Variants in SECISBP2L observed in about 807,000 individuals in gnomAD.
SECISBP2L encodes SECIS binding protein 2 like.
A neutral mutation model predicts 114.7 loss-of-function variants in SECISBP2L; 43 were observed. The ratio of observed to expected loss-of-function variants is 0.38; its 90% confidence interval spans 0.29 to 0.48. SECISBP2L has a LOEUF of 0.48. SECISBP2L is among the 20% of genes least tolerant of loss of function. SECISBP2L has a pLI of 0.98. For missense variants in SECISBP2L, 1,136 were observed against 1,301.1 expected (o/e 0.87, Z 1.95); for synonymous variants, 451 against 439.7 (o/e 1.03, Z -0.32).
intron 4 of SECISBP2L, among the ~76,000 whole-genome samples, chr15:49,029,635 T>C (rs116516602): frequency 1.1e-3 from 172 of 152,324 alleles, no homozygotes; most frequent in African/African-American, 4.0e-3. Flanking sequence ...CACATGAACA[T>C]GCATATATGC....
At chr15:49,003,473 AT>A (rs1566853257) in intron 14 of SECISBP2L, among the ~76,000 whole-genome samples, 3 of 152,128 alleles carry the variant, frequency 2.0e-5, no homozygotes. Flanking sequence ...TTCCAACACT[AT>A]GTTGAATAGG....
At chr15:49,004,903 T>C (rs1419041175) in intron 14 of SECISBP2L, among the ~76,000 whole-genome samples, 1 of 152,222 alleles carries the variant, frequency 6.6e-6, no homozygotes, top group Non-Finnish European at 1.5e-5. Flanking sequence ...AGAATGTATA[T>C]TCTGTGATTT....
rs1903011192 is a variant in SECISBP2L at position 49,036,520 on chromosome 15, T to C, written c.204-862A>G. Among the ~76,000 whole-genome samples, 4 of 152,380 alleles carry C rather than the reference T, an allele frequency of 2.6e-5. 1 individual carries two copies. Among genetic ancestry groups the C allele is most frequent in the African/African-American group, 9.6e-5 (4 of 41,596 alleles). On this transcript the variant is annotated intron_variant, in intron 2 of 17. Transcript: ENST00000559471. The stretch of plus-strand genomic sequence containing the variant: ...TTATTTGGTAAACCAAGAAAATCAA[T>C]TAAGTTTATCATACTGTATACTTGG...
At chr15:49,024,837 G>A (rs964134953) in intron 7 of SECISBP2L, among the ~76,000 whole-genome samples, 6 of 152,172 alleles carry the variant, frequency 3.9e-5, no homozygotes, top group Admixed American at 2.6e-4. Flanking sequence ...GGATAACAAA[G>A]CATCAGAAGT....
chr15:49,021,920 T>C (rs955190841), intron 7 of SECISBP2L, among the ~76,000 whole-genome samples: 2 of 152,158 alleles, frequency 1.3e-5, no homozygotes, highest in Non-Finnish European at 2.9e-5. Flanking sequence ...GAGGGTATAC[T>C]GAACAAAACA....
Position 48,992,687 on chromosome 15 carries a change from A to AG in SECISBP2L, c.2862dup (p.Ser955LeufsTer35). ...GAGCCAGTCTCTGTACTCTGCTGTG[A>AG]GGCCCATTCCAGGTCATCTGGCTTC... On this transcript the variant is annotated frameshift_variant, in exon 18 of 18. Coordinates refer to ENST00000559471, the MANE Select transcript of SECISBP2L (RefSeq NM_001193489.2). LOFTEE classifies it high-confidence loss of function. 1 of 1,614,180 alleles carries AG rather than the reference A, an allele frequency of 6.2e-7. No homozygotes were observed. Among genetic ancestry groups the AG allele is most frequent in the Non-Finnish European group, 8.5e-7 (1 of 1,180,028 alleles).
chr15:49,017,162 T>G, intron 9 of SECISBP2L, 147 bp from the exon 10 acceptor site: 2 of 753,488 alleles, frequency 2.7e-6, no homozygotes, highest in South Asian at 4.3e-5. Context: ...GATTTGACAG[T>G]GGGACCATTT....
chr15:49,008,939 TA>T lies in SECISBP2L; in HGVS notation c.2027+276del, dbSNP rs1216422351. Among the ~76,000 whole-genome samples, 4 of 152,212 alleles carry T rather than the reference TA, an allele frequency of 2.6e-5. No homozygotes were observed. The East Asian group carries it at 7.7e-4, about 29-fold the overall frequency. On this transcript the variant is annotated intron_variant, in intron 14 of 17. Transcript: ENST00000559471. Reference sequence around the variant, plus strand: ...GGAAAACTGATAGTACAACATTTAATATATAAGATATTAAGAGTCTAGATTT... The same window carrying T: ...GGAAAACTGATAGTACAACATTTAATTATAAGATATTAAGAGTCTAGATTT...
At chr15:49,015,567 T>C (rs1309521219) in intron 11 of SECISBP2L, among the ~76,000 whole-genome samples, 2 of 152,178 alleles carry the variant, frequency 1.3e-5, no homozygotes, top group African/African-American at 2.4e-5. Context: ...GTGCTGTACA[T>C]TGGTACCTTT....
chr15:49,027,319 A>G, intron 7 of SECISBP2L, 46 bp downstream of exon 7: 60 of 1,141,152 alleles, frequency 5.3e-5, no homozygotes, highest in Middle Eastern at 2.0e-4. Flanking sequence ...ATCTAAAATG[A>G]CTCATCTCAT....
intron 17 of SECISBP2L, 132 bp downstream of exon 17, chr15:48,996,235 G>A (rs1346064749): frequency 1.2e-6 from 1 of 804,774 alleles, no homozygotes; most frequent in Admixed American, 2.9e-5. Flanking sequence ...CATGTTTAAT[G>A]CAATGTTTTA....
At chr15:49,010,767 T>C (rs965544535) in intron 13 of SECISBP2L, among the ~76,000 whole-genome samples, 5 of 152,196 alleles carry the variant, frequency 3.3e-5, no homozygotes, top group Non-Finnish European at 2.9e-5. Context: ...CCATCTTGGC[T>C]TACCAAAGTG....
chr15:49,006,268 T>C (rs117344619), intron 14 of SECISBP2L, among the ~76,000 whole-genome samples: 6,729 of 152,252 alleles, frequency 0.044, 240 homozygotes, highest in East Asian at 0.15. Context: ...GTGTTCTCTG[T>C]ATTACCTGCA....
rs191373623 is a variant in SECISBP2L at position 49,042,731 on chromosome 15, G to A, written c.24+3545C>T. On this transcript the variant is annotated intron_variant, in intron 1 of 17. Transcript: ENST00000559471. ...CTTTTTATTCTTTTTTGACCTAAGA[G>A]CTTGAAAATGTCTTTTTGGCCAGGT... 2.2e-4 allele frequency: 33 copies of A among 152,206 alleles called. 1 individual carries two copies. Among genetic ancestry groups the A allele is most frequent in the Admixed American group, 2.0e-3 (31 of 15,284 alleles). 9.4% of individuals were successfully genotyped at this position (152,206 alleles called of 1,614,324 possible).
rs1428753095 is a variant in SECISBP2L, at chr15:49,046,336, G to A, written c.-37C>T. ...CCGCAACGGGCCCGCGCTAGTCGGT[G>A]TAAACAGCGCCTCGGGCCGCTTTCT... is the stretch of plus-strand genomic sequence containing the variant. On this transcript the variant is annotated 5_prime_UTR_variant, in exon 1 of 18. Transcript: ENST00000559471. The A allele has an allele frequency of 6.7e-7, 1 of 1,503,602 alleles. No homozygotes were observed. The highest frequency in any genetic ancestry group is 1.3e-5 in the South Asian group (1 of 79,836). The allele number at this position is 1,503,602 out of a possible 1,614,324, so 93.1% of individuals were successfully genotyped here.
chr15:49,027,566 G>C, intron 6 of SECISBP2L, 86 bp from the exon 7 acceptor site: 1 of 707,422 alleles, frequency 1.4e-6, no homozygotes, highest in South Asian at 2.5e-5. Flanking sequence ...CTGAAATTCA[G>C]TCACTAGAAA....
intron 3 of SECISBP2L, 84 bp from the exon 4 acceptor site, chr15:49,033,184 CATT>C: frequency 2.1e-6 from 3 of 1,429,476 alleles, no homozygotes; most frequent in Non-Finnish European, 2.8e-6. Flanking sequence ...CTAAAATAAA[CATT>C]ATAAAATACA....
At position 49,035,622 on chromosome 15, in the gene SECISBP2L, T is replaced by C. The variant is rs138130515; in HGVS notation, c.240A>G (p.Gln80=). 7 of 1,613,648 alleles carry C rather than the reference T, an allele frequency of 4.3e-6. No individual in the cohort carries two copies. The highest frequency in any genetic ancestry group is 5.9e-6 in the Non-Finnish European group (7 of 1,179,690). ...FPLYNNDIRW[Q]QPNPNPTGPY... is the part of the protein sequence containing the mutation. ...GTCCAGTAGGGTTTGGATTGGGTTG[T>C]TGCCATCGTATATCATTGTTATATA... Residue 80 remains glutamine, a synonymous_variant, in exon 3 of 18, where the codon CAA becomes CAG. Transcript: ENST00000559471.
At position 49,019,430 on chromosome 15, in the gene SECISBP2L, A is replaced by G. The variant is rs1029651930; in HGVS notation, c.1158T>C (p.Ser386=). ...QSHRSDPNSE[S]LYFEDEDGFQ... The stretch of plus-strand genomic sequence containing the variant: ...TTGAAAAAAATACCTCAAAATATAA[A>G]GACTCAGAATTTGGATCGCTTCTAT... The change falls in exon 8 of 18, where the codon TCT becomes TCC. Residue 386 remains serine (S), a synonymous_variant. Transcript: ENST00000559471. The G allele has an allele frequency of 2.1e-6, 3 of 1,446,754 alleles. No homozygotes were observed. The highest frequency in any genetic ancestry group is 2.7e-6 in the Non-Finnish European group (3 of 1,111,474). The allele number at this position is 1,446,754 out of a possible 1,614,324, so 89.6% of individuals were successfully genotyped here. A position where few individuals can be genotyped will look rare whatever the true frequency, so the allele number is the denominator to read the frequency against.
Sources: gnomAD v4.1 joint callset for allele counts (sites outside exome capture counted in the v4.1 genomes callset) on GRCh38, gnomAD v4.1.1 for gene constraint, MANE v1.5 for transcripts, NCBI Gene and HGNC (gene_info 2026-07-23, HGNC 2026-07-21) for gene names.